The following LRMDA variants were observed in gnomAD, a reference collection of about 807,000 sequenced individuals.
LRMDA encodes the protein leucine-rich melanocyte differentiation-associated protein.
A neutral mutation model predicts 29.8 loss-of-function variants in LRMDA; 18 were observed. The ratio of observed to expected loss-of-function variants is 0.60; its 90% CI spans 0.42 to 0.90. LRMDA has a LOEUF of 0.90. LRMDA is among the 40% of genes least tolerant of loss of function. The pLI, the probability that LRMDA is intolerant of heterozygous loss-of-function variation, is 0.00. For missense variants in LRMDA, 273 were observed against 273.9 expected, an observed-to-expected ratio of 1.00 and a Z score of 0.02; for synonymous variants, 125 against 109.4, an observed-to-expected ratio of 1.14 and a Z score of -0.89.
At chr10:75,794,010 A>G (rs1589206765) in intron 2 of LRMDA, among the ~76,000 whole-genome samples, 1 of 152,242 alleles carries the variant, frequency 6.6e-6, no homozygotes, top group African/African-American at 2.4e-5. Flanking sequence ...GGGCATGGCT[A>G]TGTTCCAATC....
At chr10:76,540,477 G>A (rs955756586) in intron 6 of LRMDA, among the ~76,000 whole-genome samples, 1 of 152,182 alleles carries the variant, frequency 6.6e-6, no homozygotes, top group Non-Finnish European at 1.5e-5. Context: ...TGTCTGTAAT[G>A]CGAGTCATGA....
intron 2 of LRMDA, among the ~76,000 whole-genome samples, chr10:75,462,674 A>T (rs1844601469): frequency 6.6e-6 from 1 of 152,210 alleles, no homozygotes; most frequent in African/African-American, 2.4e-5. Context: ...GGATGAGGTT[A>T]TCAGGCATTT....
At chr10:75,896,841 T>TGTG (rs76948903) in intron 2 of LRMDA, among the ~76,000 whole-genome samples, 1 of 147,546 alleles carries the variant, frequency 6.8e-6, no homozygotes, top group South Asian at 2.2e-4. Context: ...GAGTGTGCAT[T>TGTG]TGTGTGTGTG....
At chr10:75,850,255 A>G (rs1844709786) in intron 2 of LRMDA, among the ~76,000 whole-genome samples, 1 of 152,246 alleles carries the variant, frequency 6.6e-6, no homozygotes, top group Non-Finnish European at 1.5e-5. Context: ...TGCAGATTAC[A>G]TTTAGTCTGT....
intron 2 of LRMDA, among the ~76,000 whole-genome samples, chr10:75,751,383 G>T (rs371176929): frequency 1.4e-4 from 22 of 152,046 alleles, no homozygotes; most frequent in African/African-American, 5.3e-4. Flanking sequence ...GGGAGAGGGA[G>T]GGAGAGGAAT....
At chr10:75,516,217 C>A (rs748639872) in intron 2 of LRMDA, among the ~76,000 whole-genome samples, 1 of 152,126 alleles carries the variant, frequency 6.6e-6, no homozygotes, top group Non-Finnish European at 1.5e-5. Context: ...TGGGTATATA[C>A]CCAGTAATGG....
At chr10:76,419,966 A>G (rs958067542) in intron 6 of LRMDA, among the ~76,000 whole-genome samples, 7 of 152,168 alleles carry the variant, frequency 4.6e-5, no homozygotes, top group African/African-American at 1.7e-4. Context: ...AACTGTTAAT[A>G]TTTTGTTTAT....
chr10:75,901,258 G>A (rs1845667473), intron 2 of LRMDA, among the ~76,000 whole-genome samples: 1 of 151,848 alleles, frequency 6.6e-6, no homozygotes, highest in Non-Finnish European at 1.5e-5. Context: ...TGTTCAACCT[G>A]AATTCAAATC....
chr10:75,559,457 G>A (rs763102967), intron 2 of LRMDA, among the ~76,000 whole-genome samples: 1,620 of 151,602 alleles, frequency 0.011, 16 homozygotes, highest in South Asian at 0.03. Context: ...AGTAGGTTGC[G>A]AAAATTTTCT....
chr10:75,631,010 A>G (rs1841314856), intron 2 of LRMDA, among the ~76,000 whole-genome samples: 1 of 152,086 alleles, frequency 6.6e-6, no homozygotes, highest in African/African-American at 2.4e-5. Flanking sequence ...CATGGCTATC[A>G]ATGGCTGTGA....
In LRMDA at chr10:75,697,077, A is replaced by T. The variant is rs1842243690; in HGVS notation, c.131+258583A>T. Reference sequence around the variant, plus strand: ...GAATTGTACAAGTATGACACAGGGTACATGTGGTGGCCATGAGGCAGTGAG... The same window carrying T: ...GAATTGTACAAGTATGACACAGGGTTCATGTGGTGGCCATGAGGCAGTGAG... On this transcript the variant is annotated intron_variant, in intron 2 of 6. Coordinates refer to ENST00000611255, the MANE Select transcript of LRMDA (RefSeq NM_001305581.2). Among the ~76,000 whole-genome samples, 7 of 152,320 alleles carry T rather than the reference A, an allele frequency of 4.6e-5. No individual in the cohort carries two copies. In the South Asian group the frequency reaches 1.5e-3, roughly 32 times the overall value.
rs548123994 is a variant in LRMDA at position 76,275,754 on chromosome 10, G to T, written c.517-48647G>T. Among the ~76,000 whole-genome samples the T allele has an allele frequency of 1.4e-4, 21 of 152,132 alleles. No individual in the cohort carries two copies. In the East Asian group the frequency reaches 4.1e-3, roughly 29 times the overall value. ...CTGAGGTTCTTGATGAAAAAATTTT[G>T]CAGTAGATTTGGTGAGTTTTTGCAC... On this transcript the variant is annotated intron_variant, in intron 5 of 6. Transcript: ENST00000611255.
intron 6 of LRMDA, among the ~76,000 whole-genome samples, chr10:76,333,310 A>G (rs1840926538): frequency 6.6e-6 from 1 of 152,204 alleles, no homozygotes; most frequent in Non-Finnish European, 1.5e-5. Flanking sequence ...TGCAAGCAGT[A>G]TCCAGGGGTA....
intron 6 of LRMDA, among the ~76,000 whole-genome samples, chr10:76,483,386 G>T (rs556193671): frequency 6.6e-6 from 1 of 152,006 alleles, no homozygotes; most frequent in East Asian, 2.0e-4. Flanking sequence ...ATCAGAGAAG[G>T]CTGCCAGGCA....
At chr10:75,491,588 C>T (rs995527170) in intron 2 of LRMDA, among the ~76,000 whole-genome samples, 3 of 152,276 alleles carry the variant, frequency 2.0e-5, no homozygotes, top group East Asian at 3.9e-4. Flanking sequence ...ACAAGGGCCC[C>T]AAGTTGGGTA....
Position 75,713,505 on chromosome 10 carries a change from T to A in LRMDA, c.131+275011T>A, listed in dbSNP as rs1197663341. The stretch of plus-strand genomic sequence containing the variant: ...TTCCTGAGACCAGTTGATTCAAAGG[T>A]CTTGAATAAGAATTAGTGTTTTTAA... On this transcript the variant is annotated intron_variant, in intron 2 of 6. Transcript: ENST00000611255. 1.5e-3 allele frequency among the ~76,000 whole-genome samples: 233 copies of A among 152,350 alleles called. 2 individuals are homozygous for A. Among genetic ancestry groups the A allele is most frequent in the African/African-American group, 5.5e-3 (227 of 41,570 alleles).
chr10:75,707,592 T>C (rs1842384946), intron 2 of LRMDA, among the ~76,000 whole-genome samples: 1 of 152,154 alleles, frequency 6.6e-6, no homozygotes, highest in Admixed American at 6.5e-5. Context: ...TCATCTTGCC[T>C]GGGCCTGGTC....
At position 75,769,619 on chromosome 10, in the gene LRMDA, C is replaced by T. The variant is rs533163545; in HGVS notation, c.132-266389C>T. The stretch of plus-strand genomic sequence containing the variant: ...TTATTTTATTTTTTTATATTTCATT[C>T]GTTTTCTCCCCTTATTTTTAAAATT... On this transcript the variant is annotated intron_variant, in intron 2 of 6. Coordinates refer to ENST00000611255, the MANE Select transcript of LRMDA (RefSeq NM_001305581.2). Among the ~76,000 whole-genome samples, 119 of 152,100 alleles carry T rather than the reference C, an allele frequency of 7.8e-4. 2 individuals are homozygous for T. Among genetic ancestry groups the T allele is most frequent in the South Asian group, 5.8e-3 (28 of 4,820 alleles).
rs1554826934 is a variant in LRMDA at position 75,806,822 on chromosome 10, A to AAC, written c.132-229185_132-229184insCA. On this transcript the variant is annotated intron_variant, in intron 2 of 6. Coordinates refer to ENST00000611255, the MANE Select transcript of LRMDA (RefSeq NM_001305581.2). ...CACTGGAAATTGCAAAAAAAAAAAA[A>AAC]AAAAACCACACACAAAAAAACCTAC... 1.1e-3 allele frequency among the ~76,000 whole-genome samples: 160 copies of AAC among 147,620 alleles called. 2 individuals are homozygous for AAC. Among genetic ancestry groups the AAC allele is most frequent in the East Asian group, 4.2e-3 (21 of 5,018 alleles).
Sources: gnomAD v4.1 joint callset for allele counts (sites outside exome capture counted in the v4.1 genomes callset) on GRCh38, gnomAD v4.1.1 for gene constraint, MANE v1.5 for transcripts, NCBI Gene and HGNC (gene_info 2026-07-23, HGNC 2026-07-21) for gene names.